Variants in ENTPD1 observed in about 807,000 individuals in gnomAD.
ENTPD1 encodes ectonucleoside triphosphate diphosphohydrolase 1.
A neutral mutation model predicts 57.0 loss-of-function variants in ENTPD1; 33 were observed. That is an observed-to-expected ratio of 0.58 (90% CI 0.44 to 0.77). The LOEUF (loss-of-function observed/expected upper bound fraction) is 0.77. Ranked by LOEUF, ENTPD1 falls within the 30% of genes least tolerant of loss-of-function variation. ENTPD1 has a pLI of 0.00. For missense variants in ENTPD1, 501 were observed against 603.4 expected, an observed-to-expected ratio of 0.83 and a Z score of 1.78; for synonymous variants, 202 against 218.8, an observed-to-expected ratio of 0.92 and a Z score of 0.68.
chr10:95,763,312 A>G (rs1032659714), intron 1 of ENTPD1, among the ~76,000 whole-genome samples: 1 of 152,208 alleles, frequency 6.6e-6, no homozygotes, highest in East Asian at 1.9e-4. Context: ...ATAGTTTGAC[A>G]TCACATTTTT....
intron 1 of ENTPD1, among the ~76,000 whole-genome samples, chr10:95,758,002 C>T (rs1322312437): frequency 3.8e-5 from 1 of 26,414 alleles, no homozygotes; most frequent in East Asian, 1.7e-3. Context: ...GACACTGTCT[C>T]AAAAAAAAAA....
rs373589295 is a variant in ENTPD1, at chr10:95,876,540, A to G, written c.*10157A>G. 57 of 1,231,334 alleles carry G rather than the reference A, an allele frequency of 4.6e-5. No homozygotes were observed. In the East Asian group the frequency reaches 8.5e-4, roughly 18 times the overall value. The allele number at this position is 1,231,334 out of a possible 1,614,324, so 76.3% of individuals were successfully genotyped here. A position where few individuals can be genotyped will look rare whatever the true frequency, so the allele number is the denominator to read the frequency against. ...TACCTTTGCAATAGTCAACTGAACC[A>G]TCTTCTTGGAGTACTCATGAAGATG... On this transcript the variant is annotated 3_prime_UTR_variant, in exon 10 of 10. Coordinates refer to ENST00000371205, the MANE Select transcript of ENTPD1 (RefSeq NM_001776.6).
intron 7 of ENTPD1, among the ~76,000 whole-genome samples, chr10:95,858,272 C>T (rs751883712): frequency 3.3e-5 from 5 of 151,868 alleles, no homozygotes; most frequent in Non-Finnish European, 5.9e-5. Flanking sequence ...GGAATTCCAG[C>T]AGAGGGAATA....
chr10:95,778,444 TA>T (rs1308268380), intron 1 of ENTPD1, among the ~76,000 whole-genome samples: 8 of 150,916 alleles, frequency 5.3e-5, no homozygotes, highest in Non-Finnish European at 1.0e-4. Context: ...CAAAGTAAAC[TA>T]AAACAGTGAG....
At chr10:95,757,378 G>GT (rs1429536571) in intron 1 of ENTPD1, among the ~76,000 whole-genome samples, 2 of 152,148 alleles carry the variant, frequency 1.3e-5, no homozygotes, top group African/African-American at 4.8e-5. Flanking sequence ...CTCATAGTTA[G>GT]TAAGGGCTGA....
At chr10:95,757,733 G>A (rs1038184235) in intron 1 of ENTPD1, among the ~76,000 whole-genome samples, 6 of 152,028 alleles carry the variant, frequency 3.9e-5, no homozygotes, top group Non-Finnish European at 7.4e-5. Flanking sequence ...GGCTGGATGT[G>A]GTGGCTCGCA....
rs1935815 is a variant in ENTPD1, at chr10:95,871,735, T to A, written c.*5352T>A. 324,309 of 985,108 alleles carry A rather than the reference T, an allele frequency of 0.33. 55,525 individuals are homozygous for A. The highest frequency in any genetic ancestry group is 0.39 in the Admixed American group (6,304 of 16,276). 61.0% of individuals were successfully genotyped at this position (985,108 alleles called of 1,614,324 possible). ...CAACTGACACCATGATCAGTGATGA[T>A]GATCACCCTCATCAGCACTAGAGTT... On this transcript the variant is annotated 3_prime_UTR_variant, in exon 10 of 10. Coordinates refer to ENST00000371205, the MANE Select transcript of ENTPD1 (RefSeq NM_001776.6).
rs1555278458 is a variant in ENTPD1 at position 95,756,192 on chromosome 10, G to GGC, written c.-47_-46insCG. 1 of 1,370,434 alleles carries GGC rather than the reference G, an allele frequency of 7.3e-7. No individual in the cohort carries two copies. Among genetic ancestry groups the GGC allele is most frequent in the Non-Finnish European group, 9.8e-7 (1 of 1,016,068 alleles). 84.9% of individuals were successfully genotyped at this position (1,370,434 alleles called of 1,614,324 possible). ...AGACGGACCACAGCAAGCAGAGGCT[G>GGC]GGGGGGGGAAAGACGAGGAAAGAGG... On this transcript the variant is annotated 5_prime_UTR_variant, in exon 1 of 10. Transcript: ENST00000371205.
chr10:95,697,884 T>C, the ENTPD1 span, among the ~76,000 whole-genome samples: 1 of 152,158 alleles, frequency 6.6e-6, no homozygotes, highest in Admixed American at 6.5e-5. Context: ...TGATGACAAA[T>C]ACCTGAAAAT....
At position 95,761,980 on chromosome 10, in the gene ENTPD1, A is replaced by G. The variant is rs531621281; in HGVS notation, c.16+5725A>G. ...AAGCAAGGAAAGTGGGTGCAGAGAGAACCGATGGAATTTCTTTAGGCTTGA... is the reference window on the plus strand; with the variant it reads ...AAGCAAGGAAAGTGGGTGCAGAGAGGACCGATGGAATTTCTTTAGGCTTGA... On this transcript the variant is annotated intron_variant, in intron 1 of 9. Coordinates refer to ENST00000371205, the MANE Select transcript of ENTPD1 (RefSeq NM_001776.6). Among the ~76,000 whole-genome samples, 65 of 152,316 alleles carry G rather than the reference A, an allele frequency of 4.3e-4. 1 individual carries two copies. Among genetic ancestry groups the G allele is most frequent in the African/African-American group, 1.4e-3 (57 of 41,568 alleles).
At chr10:95,808,579 A>C (rs1410462396) in intron 1 of ENTPD1, among the ~76,000 whole-genome samples, 1 of 152,142 alleles carries the variant, frequency 6.6e-6, no homozygotes, top group Non-Finnish European at 1.5e-5. Flanking sequence ...TGGGGGAGTT[A>C]GTTTGATTAT....
exon 1 of ENTPD1, chr10:95,711,992 G>T (rs762691586): frequency 1.2e-6 from 2 of 1,613,846 alleles, no homozygotes; most frequent in Non-Finnish European, 1.7e-6. Context: ...GCCAGCAGAA[G>T]GGTAAGAAAT....
intron 1 of ENTPD1, among the ~76,000 whole-genome samples, chr10:95,746,288 T>G (rs538365273): frequency 1.3e-5 from 2 of 152,250 alleles, no homozygotes; most frequent in Non-Finnish European, 2.9e-5. Flanking sequence ...TCTCACATAT[T>G]TATTCTCTTT....
intron 1 of ENTPD1, among the ~76,000 whole-genome samples, chr10:95,732,124 G>T (rs181049479): frequency 2.0e-5 from 3 of 151,982 alleles, no homozygotes; most frequent in Non-Finnish European, 4.4e-5. Flanking sequence ...GGCATGCTTC[G>T]AATACTATAC....
Position 95,807,611 on chromosome 10 carries a change from G to A in ENTPD1, c.17-15626G>A, listed in dbSNP as rs1589928084. Among the ~76,000 whole-genome samples, 3 of 152,360 alleles carry A rather than the reference G, an allele frequency of 2.0e-5. No individual in the cohort carries two copies. The East Asian group carries it at 5.8e-4, about 29-fold the overall frequency. ...TGGGTCAATCACACTGGGAGCTGCAGACTGGAGCTGTTCCTATTCAGCCAT... is the reference window on the plus strand; with the variant it reads ...TGGGTCAATCACACTGGGAGCTGCAAACTGGAGCTGTTCCTATTCAGCCAT... On this transcript the variant is annotated intron_variant, in intron 1 of 9. Coordinates refer to ENST00000371205, the MANE Select transcript of ENTPD1 (RefSeq NM_001776.6).
chr10:95,801,574 A>C (rs1470482157), intron 1 of ENTPD1, among the ~76,000 whole-genome samples: 1 of 150,768 alleles, frequency 6.6e-6, no homozygotes, highest in Non-Finnish European at 1.5e-5. Context: ...ATTTTTATTT[A>C]TTTATTTTTG....
At chr10:95,753,484 G>A (rs969996399), upstream of ENTPD1, 5 of 152,134 alleles carry the variant, frequency 3.3e-5, no homozygotes, top group African/African-American at 1.2e-4. Flanking sequence ...ATTCAGTTTG[G>A]ATGAACTTCA....
intron 4 of ENTPD1, among the ~76,000 whole-genome samples, chr10:95,842,978 C>T (rs1590115020): frequency 6.6e-6 from 1 of 152,152 alleles, no homozygotes; most frequent in Non-Finnish European, 1.5e-5. Context: ...AAACTCAACC[C>T]TCAAGGAAAT....
intron 1 of ENTPD1, among the ~76,000 whole-genome samples, chr10:95,725,895 C>T (rs188173994): frequency 1.3e-5 from 2 of 152,164 alleles, no homozygotes; most frequent in South Asian, 2.1e-4. Flanking sequence ...ACTACAAAAC[C>T]GTGGGGTTTT....
Sources: allele counts gnomAD v4.1 joint callset (sites outside exome capture counted in the v4.1 genomes callset), GRCh38; gene constraint gnomAD v4.1.1; transcripts MANE v1.5; gene names NCBI Gene and HGNC (gene_info 2026-07-23, HGNC 2026-07-21).